RAD51B: variants seen among roughly 807,000 people sequenced by gnomAD.
RAD51B encodes the protein RAD51 paralog B, also known as DNA repair protein RAD51 homolog 2.
RAD51B carries 38 observed loss-of-function variants against 42.2 expected under a neutral mutation model. The ratio of observed to expected loss-of-function variants is 0.90; its 90% CI spans 0.70 to 1.18. The LOEUF (loss-of-function observed/expected upper bound fraction) is 1.18. Among genes scored for constraint, RAD51B ranks in the 50% most tolerant of loss-of-function variants. The pLI is 0.00. For missense variants in RAD51B, 373 were observed against 400.7 expected, an observed-to-expected ratio of 0.93 and a Z score of 0.59; for synonymous variants, 154 against 145.2, an observed-to-expected ratio of 1.06 and a Z score of -0.43.
At chr14:68,088,331 A>G (rs1373736848) in intron 7 of RAD51B, among the ~76,000 whole-genome samples, 1 of 151,990 alleles carries the variant, frequency 6.6e-6, no homozygotes, top group Non-Finnish European at 1.5e-5. Flanking sequence ...AATCAAATTT[A>G]CTTACTTACT....
At chr14:67,950,129 G>A (rs1273207211) in intron 7 of RAD51B, among the ~76,000 whole-genome samples, 2 of 150,522 alleles carry the variant, frequency 1.3e-5, no homozygotes, top group Admixed American at 6.6e-5. Flanking sequence ...AGCCTCTACC[G>A]AGAGAGTCAG....
chr14:68,075,108 C>G (rs891923729), intron 7 of RAD51B, among the ~76,000 whole-genome samples: 118 of 152,278 alleles, frequency 7.7e-4, no homozygotes, highest in African/African-American at 2.8e-3. Context: ...GAGGCTCCAC[C>G]CCAGAGAAAC....
intron 8 of RAD51B, among the ~76,000 whole-genome samples, chr14:68,361,306 T>C (rs548954674): frequency 2.0e-5 from 3 of 152,296 alleles, no homozygotes; most frequent in African/African-American, 7.2e-5. Flanking sequence ...AGCTAACAAA[T>C]GGTTGGACCA....
At chr14:67,923,327 T>C (rs1193841218) in intron 7 of RAD51B, among the ~76,000 whole-genome samples, 3 of 147,782 alleles carry the variant, frequency 2.0e-5, no homozygotes, top group African/African-American at 5.1e-5. Context: ...GAGATGGAGT[T>C]TCACTCTTGT....
At chr14:68,041,859 C>T (rs2076223344) in intron 7 of RAD51B, among the ~76,000 whole-genome samples, 1 of 152,168 alleles carries the variant, frequency 6.6e-6, no homozygotes, top group African/African-American at 2.4e-5. Flanking sequence ...CCTCTGTTTC[C>T]ATTCTACCTT....
chr14:68,662,330 T>C (rs915525973), intron 11 of RAD51B, among the ~76,000 whole-genome samples: 4 of 152,272 alleles, frequency 2.6e-5, no homozygotes, highest in African/African-American at 9.6e-5. Context: ...ACATTAATCC[T>C]ATTATATTTC....
At chr14:68,585,755 C>T (rs1890432761) in intron 10 of RAD51B, among the ~76,000 whole-genome samples, 1 of 152,166 alleles carries the variant, frequency 6.6e-6, no homozygotes, top group South Asian at 2.1e-4. Context: ...AGTGTCACTC[C>T]AGCAGCTCCG....
rs1339854955 is a variant in RAD51B, at chr14:67,858,172, TG to T, written c.316-6827del. The stretch of plus-strand genomic sequence containing the variant: ...TCAGTTGGCCCCTTACCTCGTTATG[TG>T]GGGCAGTTGCCCTCTGCTGGTGAGG... On this transcript the variant is annotated intron_variant, in intron 4 of 10. Coordinates refer to ENST00000471583, the MANE Select transcript of RAD51B (RefSeq NM_133510.4). 2.6e-5 allele frequency: 4 copies of T among 152,460 alleles called. No homozygotes were observed. The East Asian group carries it at 7.7e-4, about 29-fold the overall frequency. 9.4% of individuals were successfully genotyped at this position (152,460 alleles called of 1,614,324 possible). A position where few individuals can be genotyped will look rare whatever the true frequency, so the allele number is the denominator to read the frequency against.
intron 7 of RAD51B, among the ~76,000 whole-genome samples, chr14:68,249,005 G>A (rs559853732): frequency 6.6e-6 from 1 of 152,368 alleles, no homozygotes; most frequent in East Asian, 1.9e-4. Context: ...CTCTGGCAGA[G>A]GGGCAGCAGT....
rs538677818 is a variant in RAD51B, at chr14:68,191,813, A to C, written c.757-100071A>C. 3.0e-4 allele frequency among the ~76,000 whole-genome samples: 46 copies of C among 152,304 alleles called. No homozygotes were observed. In the South Asian group the frequency reaches 9.5e-3, roughly 32 times the overall value. On this transcript the variant is annotated intron_variant, in intron 7 of 10. Coordinates refer to ENST00000471583, the MANE Select transcript of RAD51B (RefSeq NM_133510.4). Reference sequence around the variant, plus strand: ...TCACTTGAGAATTGTTTACAACTATAATCTAGAGAGCACTTACTTGCCCAT... The same window carrying C: ...TCACTTGAGAATTGTTTACAACTATCATCTAGAGAGCACTTACTTGCCCAT...
At chr14:67,960,177 C>A (rs2074635346) in intron 7 of RAD51B, among the ~76,000 whole-genome samples, 1 of 151,762 alleles carries the variant, frequency 6.6e-6, no homozygotes, top group South Asian at 2.1e-4. Context: ...TATAAATATA[C>A]TACTTGACAG....
intron 7 of RAD51B, among the ~76,000 whole-genome samples, chr14:68,239,016 A>G (rs577497824): frequency 1.3e-5 from 2 of 152,346 alleles, no homozygotes; most frequent in African/African-American, 4.8e-5. Context: ...TAACAACAAC[A>G]ACAAAATGAC....
chr14:68,380,763 A>G (rs2083463499), intron 8 of RAD51B, among the ~76,000 whole-genome samples: 1 of 152,222 alleles, frequency 6.6e-6, no homozygotes, highest in Non-Finnish European at 1.5e-5. Flanking sequence ...GGTTCTCACT[A>G]TTTTAACATT....
At chr14:68,056,249 C>T (rs1056277222) in intron 7 of RAD51B, among the ~76,000 whole-genome samples, 1 of 152,114 alleles carries the variant, frequency 6.6e-6, no homozygotes, top group Admixed American at 6.5e-5. Flanking sequence ...AACTCTGCCT[C>T]CCAGGCTCAA....
intron 10 of RAD51B, among the ~76,000 whole-genome samples, chr14:68,589,280 A>AAGAG (rs1890631155): frequency 6.6e-6 from 1 of 152,170 alleles, no homozygotes; most frequent in Non-Finnish European, 1.5e-5. Flanking sequence ...AATTACAAAC[A>AAGAG]AGAGAGTGGC....
intron 7 of RAD51B, among the ~76,000 whole-genome samples, chr14:68,201,285 A>G (rs531940361): frequency 6.6e-6 from 1 of 152,208 alleles, no homozygotes; most frequent in East Asian, 1.9e-4. Context: ...TACAATTTTT[A>G]GCATGGTTTT....
chr14:68,365,486 T>C (rs2083123526), intron 8 of RAD51B, among the ~76,000 whole-genome samples: 1 of 152,252 alleles, frequency 6.6e-6, no homozygotes, highest in Non-Finnish European at 1.5e-5. Flanking sequence ...TCATACAATC[T>C]AGATATTTCA....
At chr14:68,388,283 G>A (rs955934407) in intron 8 of RAD51B, among the ~76,000 whole-genome samples, 16 of 151,718 alleles carry the variant, frequency 1.1e-4, no homozygotes, top group African/African-American at 3.6e-4. Flanking sequence ...TACTACAGAC[G>A]GGGTTTCTTT....
downstream of RAD51B, among the ~76,000 whole-genome samples, chr14:68,612,673 A>G (rs1891721307): frequency 6.6e-6 from 1 of 152,138 alleles, no homozygotes; most frequent in South Asian, 2.1e-4. Flanking sequence ...TTTCAAGATG[A>G]AGAAGTTGTG....
Sources: allele counts gnomAD v4.1 joint callset (sites outside exome capture counted in the v4.1 genomes callset), GRCh38; gene constraint gnomAD v4.1.1; transcripts MANE v1.5; gene names NCBI Gene and HGNC (gene_info 2026-07-23, HGNC 2026-07-21).